JAGN1: variants seen among roughly 807,000 people sequenced by gnomAD.
JAGN1 encodes the protein jagunal vesicle mediated transporter 1.
Under a neutral mutation model 17.1 loss-of-function variants are expected in JAGN1, and 13 were observed. The observed-to-expected ratio is 0.76, with a 90% CI of 0.49 to 1.21. The LOEUF is 1.21. Among genes scored for constraint, JAGN1 ranks in the 50% most tolerant of loss-of-function variants. The probability of loss-of-function intolerance (pLI) is 0.00; values close to 1 mark genes in which losing one functional copy is unlikely to be tolerated. For missense variants in JAGN1, 256 were observed against 234.2 expected (o/e 1.09, Z -0.61); for synonymous variants, 111 against 91.0 (o/e 1.22, Z -1.25).
chr3:9,890,666 CG>C lies in JAGN1; in HGVS notation c.-55del. On this transcript the variant is annotated 5_prime_UTR_variant, in exon 1 of 2. Transcript: ENST00000647897. ...CAAATAGGGTCAGTGGGCCGCTTGG[CG>C]GTGTCGTTGCGGTACCAGGTCCGCG... The C allele has an allele frequency of 1.3e-6, 2 of 1,509,302 alleles. No homozygotes were observed. Among genetic ancestry groups the C allele is most frequent in the South Asian group, 2.4e-5 (2 of 83,140 alleles). 93.5% of individuals were successfully genotyped at this position (1,509,302 alleles called of 1,614,324 possible). A position where few individuals can be genotyped will look rare whatever the true frequency, so the allele number is the denominator to read the frequency against.
chr3:9,890,641 C>T lies in JAGN1; in HGVS notation c.-82C>T. 1 of 1,352,206 alleles carries T rather than the reference C, an allele frequency of 7.4e-7. No homozygotes were observed. Among genetic ancestry groups the T allele is most frequent in the Admixed American group, 2.2e-5 (1 of 45,700 alleles). The allele number at this position is 1,352,206 out of a possible 1,614,324, so 83.8% of individuals were successfully genotyped here. A position where few individuals can be genotyped will look rare whatever the true frequency, so the allele number is the denominator to read the frequency against. ...ACGGAGCCGCGCGGCTGCGGGGGCG[C>T]AAATAGGGTCAGTGGGCCGCTTGGC... On this transcript the variant is annotated 5_prime_UTR_variant, in exon 1 of 2. Transcript: ENST00000647897.
rs533665409 is a variant in JAGN1, at chr3:9,892,224, G to C, written c.90-691G>C. Reference sequence around the variant, plus strand: ...GTAGAGACAGGGTTTCACCGTGTCAGCCAGGATGGTCTCGATCTCCTGACC... The same window carrying C: ...GTAGAGACAGGGTTTCACCGTGTCACCCAGGATGGTCTCGATCTCCTGACC... On this transcript the variant is annotated intron_variant, in intron 1 of 1. Coordinates refer to ENST00000647897, the MANE Select transcript of JAGN1 (RefSeq NM_032492.4). Among the ~76,000 whole-genome samples the C allele has an allele frequency of 2.0e-5, 3 of 152,192 alleles. No homozygotes were observed. The South Asian group carries it at 6.2e-4, about 32-fold the overall frequency.
rs1236410923 is a variant in JAGN1, at chr3:9,894,247, C to G, written c.*870C>G. 2 of 152,148 alleles carry G rather than the reference C, an allele frequency of 1.3e-5. No individual in the cohort carries two copies. Among genetic ancestry groups the G allele is most frequent in the Non-Finnish European group, 2.9e-5 (2 of 68,026 alleles). The allele number at this position is 152,148 out of a possible 1,614,324, so 9.4% of individuals were successfully genotyped here. ...TACAATTCAGTAGAAACTTGTTATT[C>G]ATGTGAAACAGTGAACATAATATCT... On this transcript the variant is annotated 3_prime_UTR_variant, in exon 2 of 2. Transcript: ENST00000647897.
chr3:9,892,047 G>C (rs1325707127), intron 1 of JAGN1, among the ~76,000 whole-genome samples: 1 of 151,880 alleles, frequency 6.6e-6, no homozygotes, highest in Non-Finnish European at 1.5e-5. Flanking sequence ...ACGGAGTCAC[G>C]GTCTGTCGCC....
At chr3:9,891,664 C>G (rs1037617419) in intron 1 of JAGN1, among the ~76,000 whole-genome samples, 2 of 152,122 alleles carry the variant, frequency 1.3e-5, no homozygotes, top group African/African-American at 4.8e-5. Context: ...ATCTCTCTCT[C>G]CAGAGTTTTA....
At chr3:9,892,774 T>C (rs1466301032) in intron 1 of JAGN1, 141 bp from the exon 2 acceptor site, 2 of 611,790 alleles carry the variant, frequency 3.3e-6, no homozygotes, top group Non-Finnish European at 5.8e-6. Flanking sequence ...TTCTAATTAC[T>C]TTTTCCTCCT....
chr3:9,892,549 A>T (rs1047300322), intron 1 of JAGN1, among the ~76,000 whole-genome samples: 1 of 152,048 alleles, frequency 6.6e-6, no homozygotes, highest in Non-Finnish European at 1.5e-5. Context: ...TGCCACACAT[A>T]ACCACTTGCT....
At chr3:9,891,904 G>A (rs2082564860) in intron 1 of JAGN1, among the ~76,000 whole-genome samples, 1 of 152,152 alleles carries the variant, frequency 6.6e-6, no homozygotes, top group Admixed American at 6.5e-5. Context: ...GCCTGAGTAC[G>A]TTTCCTCTCT....
Position 9,890,664 on chromosome 3 carries a change from G to A in JAGN1, c.-59G>A. ...CGCAAATAGGGTCAGTGGGCCGCTT[G>A]GCGGTGTCGTTGCGGTACCAGGTCC... is the stretch of plus-strand genomic sequence containing the variant. On this transcript the variant is annotated 5_prime_UTR_variant, in exon 1 of 2. Transcript: ENST00000647897. 3 of 1,509,894 alleles carry A rather than the reference G, an allele frequency of 2.0e-6. No homozygotes were observed. The highest frequency in any genetic ancestry group is 2.7e-6 in the Non-Finnish European group (3 of 1,107,986). The allele number at this position is 1,509,894 out of a possible 1,614,324, so 93.5% of individuals were successfully genotyped here.
chr3:9,892,800 G>T, intron 1 of JAGN1, 115 bp from the exon 2 acceptor site: 2 of 655,416 alleles, frequency 3.1e-6, no homozygotes, highest in Non-Finnish European at 5.3e-6. Flanking sequence ...CTTTGTGTCC[G>T]GCTTCTAGGC....
rs1228010637 is a variant in JAGN1, at chr3:9,894,159, A to G, written c.*782A>G. 6.6e-6 allele frequency: 1 copy of G among 152,230 alleles called. No homozygotes were observed. Among genetic ancestry groups the G allele is most frequent in the Non-Finnish European group, 1.5e-5 (1 of 68,046 alleles). 9.4% of individuals were successfully genotyped at this position (152,230 alleles called of 1,614,324 possible). ...TTTCAGTGTTAACTGGGTATCAGTT[A>G]TGAGTCTACTACTGTATAATGGCAT... On this transcript the variant is annotated 3_prime_UTR_variant, in exon 2 of 2. Transcript: ENST00000647897.
chr3:9,892,019 T>A (rs141884881), intron 1 of JAGN1, among the ~76,000 whole-genome samples: 54 of 148,750 alleles, frequency 3.6e-4, no homozygotes, highest in Non-Finnish European at 5.0e-4. Context: ...ATTATTAATT[T>A]ATTTATTTAT....
intron 1 of JAGN1, 125 bp downstream of exon 1, chr3:9,890,936 C>T (rs2082558486): frequency 1.2e-6 from 1 of 811,966 alleles, no homozygotes; most frequent in Non-Finnish European, 1.9e-6. Flanking sequence ...CTGCCAAGTC[C>T]CCTCCTCCCG....
Position 9,890,788 on chromosome 3 carries a change from C to G in JAGN1, c.66C>G (p.Arg22=). The G allele has an allele frequency of 6.2e-7, 1 of 1,608,480 alleles. No individual in the cohort carries two copies. The highest frequency in any genetic ancestry group is 8.5e-7 in the Non-Finnish European group (1 of 1,178,190). ...TDGSDFQHRE[R]VAMHYQMSVT... ...GCAGCGACTTTCAGCACCGGGAGCG[C>G]GTCGCCATGCACTACCAGATGAGGT... Residue 22 remains arginine, a synonymous_variant, in exon 1 of 2, where the codon CGC becomes CGG. Coordinates refer to ENST00000647897, the MANE Select transcript of JAGN1 (RefSeq NM_032492.4).
rs1188445531 is a variant in JAGN1 at position 9,893,573 on chromosome 3, G to A, written c.*196G>A. 7.1e-6 allele frequency: 4 copies of A among 564,912 alleles called. No homozygotes were observed. The highest frequency in any genetic ancestry group is 4.6e-4 in the Middle Eastern group (1 of 2,186). The allele number at this position is 564,912 out of a possible 1,614,324, so 35.0% of individuals were successfully genotyped here. A position where few individuals can be genotyped will look rare whatever the true frequency, so the allele number is the denominator to read the frequency against. ...TTTATTCCTGGTTGGCTAGAACTGG[G>A]TGACCAACAGCTATGAAACAAATTT... On this transcript the variant is annotated 3_prime_UTR_variant, in exon 2 of 2. Coordinates refer to ENST00000647897, the MANE Select transcript of JAGN1 (RefSeq NM_032492.4).
chr3:9,891,922 C>A (rs1285693840), intron 1 of JAGN1, among the ~76,000 whole-genome samples: 3 of 152,144 alleles, frequency 2.0e-5, no homozygotes, highest in Admixed American at 6.6e-5. Context: ...TCTGCCAATA[C>A]CTTCTCCCGC....
chr3:9,893,343 G>A lies in JAGN1; in HGVS notation c.518G>A (p.Trp173Ter). Residue 173 changes from tryptophan (W) to a stop codon, truncating the protein, a stop_gained, in exon 2 of 2, where the codon TGG (tryptophan) becomes TAG (stop). Coordinates refer to ENST00000647897, the MANE Select transcript of JAGN1 (RefSeq NM_032492.4). LOFTEE classifies it high-confidence loss of function. ...LYYSKKLLDS[W>*]FTSTQEKKHK Reference sequence around the variant, plus strand: ...TACAGCAAGAAGCTCCTAGACTCTTGGTTCACCAGCACACAGGAGAAGAAG... The same window carrying A: ...TACAGCAAGAAGCTCCTAGACTCTTAGTTCACCAGCACACAGGAGAAGAAG... 6.2e-7 allele frequency: 1 copy of A among 1,613,848 alleles called. No homozygotes were observed. The highest frequency in any genetic ancestry group is 8.5e-7 in the Non-Finnish European group (1 of 1,179,872).
chr3:9,892,055 G>A (rs1002733025), intron 1 of JAGN1, among the ~76,000 whole-genome samples: 2 of 151,770 alleles, frequency 1.3e-5, no homozygotes, highest in Non-Finnish European at 2.9e-5. Flanking sequence ...ACGGTCTGTC[G>A]CCCAGGCTGG....
Position 9,893,436 on chromosome 3 carries a change from T to G in JAGN1, c.*59T>G. 7.5e-7 allele frequency: 1 copy of G among 1,331,976 alleles called. No individual in the cohort carries two copies. Among genetic ancestry groups the G allele is most frequent in the Non-Finnish European group, 1.0e-6 (1 of 984,008 alleles). 82.5% of individuals were successfully genotyped at this position (1,331,976 alleles called of 1,614,324 possible). A position where few individuals can be genotyped will look rare whatever the true frequency, so the allele number is the denominator to read the frequency against. ...GAATGAAAGGACACTAGTACAGCGG[T>G]TCCAAAATCCCTTCTGGTGATTTTA... On this transcript the variant is annotated 3_prime_UTR_variant, in exon 2 of 2. Coordinates refer to ENST00000647897, the MANE Select transcript of JAGN1 (RefSeq NM_032492.4).
Sources: gnomAD v4.1 joint callset for allele counts (sites outside exome capture counted in the v4.1 genomes callset) on GRCh38, gnomAD v4.1.1 for gene constraint, MANE v1.5 for transcripts, NCBI Gene and HGNC (gene_info 2026-07-23, HGNC 2026-07-21) for gene names.